Variants in KIF13A observed in about 807,000 individuals in gnomAD.
KIF13A encodes the protein kinesin family member 13A.
KIF13A carries 79 observed loss-of-function variants against 212.2 expected under a neutral mutation model. The ratio of observed to expected loss-of-function variants is 0.37; its 90% confidence interval spans 0.31 to 0.45. KIF13A has a LOEUF of 0.45. Among genes scored for constraint, KIF13A ranks in the 20% least tolerant of loss-of-function variants. KIF13A has a pLI of 1.00. For missense variants in KIF13A, 1,901 were observed against 2,209.0 expected (o/e 0.86, Z 2.79); for synonymous variants, 789 against 808.6 (o/e 0.98, Z 0.41).
At chr6:17,821,860 C>G in intron 16 of KIF13A, 1 of 1,535,198 alleles carries the variant, frequency 6.5e-7, no homozygotes, top group Non-Finnish European at 8.7e-7. Context: ...ATAAGACCAC[C>G]AAGGGGATGA....
chr6:17,854,546 A>ATTTTTTTT (rs36073765), intron 6 of KIF13A, among the ~76,000 whole-genome samples: 2 of 77,118 alleles, frequency 2.6e-5, no homozygotes, highest in African/African-American at 5.6e-5. Flanking sequence ...AATCAGTATA[A>ATTTTTTTT]TTTTTTTTTT....
intron 2 of KIF13A, among the ~76,000 whole-genome samples, chr6:17,932,302 G>A (rs1031180827): frequency 1.3e-5 from 2 of 152,142 alleles, no homozygotes; most frequent in Non-Finnish European, 2.9e-5. Context: ...TTGTATGCCC[G>A]AATGCCTTGT....
At chr6:17,844,199 A>C (rs1008497792) in intron 9 of KIF13A, among the ~76,000 whole-genome samples, 2 of 152,224 alleles carry the variant, frequency 1.3e-5, no homozygotes, top group South Asian at 2.1e-4. Context: ...ATTATGAGTA[A>C]AGGACAGTAC....
chr6:17,842,239 T>A (rs1170730468), intron 9 of KIF13A, among the ~76,000 whole-genome samples: 1 of 151,776 alleles, frequency 6.6e-6, no homozygotes, highest in East Asian at 1.9e-4. Context: ...TTTGTAGAGA[T>A]GGGGTCTGGC....
At chr6:17,762,276 G>A (rs568515326), downstream of KIF13A, among the ~76,000 whole-genome samples, 1 of 150,430 alleles carries the variant, frequency 6.6e-6, no homozygotes, top group African/African-American at 2.4e-5. Context: ...GCAGTGGTGC[G>A]ATCTTGGCTC....
intron 16 of KIF13A, among the ~76,000 whole-genome samples, chr6:17,821,468 T>C (rs972678832): frequency 5.3e-5 from 8 of 151,958 alleles, no homozygotes; most frequent in African/African-American, 1.9e-4. Context: ...ATACCAATAA[T>C]ACTTTTCAGT....
intron 17 of KIF13A, 27 bp from the exon 18 acceptor site, chr6:17,808,957 G>GA: frequency 6.5e-7 from 1 of 1,542,854 alleles, no homozygotes. Flanking sequence ...AAGGGAACGA[G>GA]AAAATCTAAA....
rs555859263 is a variant in KIF13A at position 17,834,815 on chromosome 6, C to T, written c.1156-744G>A. ...GGACAAGAAGCTGGGATGTGATGAT[C>T]TGGAAGCTAGCTGAGTATGCCTGAG... On this transcript the variant is annotated intron_variant, in intron 11 of 38. Coordinates refer to ENST00000259711, the MANE Select transcript of KIF13A (RefSeq NM_022113.6). The surrounding 1 kb of genome is among the most constrained non-coding windows in gnomAD (Gnocchi z 4.0). Among the ~76,000 whole-genome samples the T allele has an allele frequency of 6.6e-6, 1 of 152,256 alleles. No homozygotes were observed. Among genetic ancestry groups the T allele is most frequent in the South Asian group, 2.1e-4 (1 of 4,826 alleles).
intron 17 of KIF13A, chr6:17,815,551 C>T (rs1301025255): frequency 2.5e-6 from 1 of 395,084 alleles, no homozygotes; most frequent in Admixed American, 2.5e-5. Context: ...TTGGGAGTAA[C>T]AGAGGGCTTA....
At chr6:17,870,938 T>C (rs59181711) in intron 4 of KIF13A, among the ~76,000 whole-genome samples, 5 of 152,348 alleles carry the variant, frequency 3.3e-5, no homozygotes, top group African/African-American at 1.2e-4. Flanking sequence ...AGCATAGGTA[T>C]TGCCATTTTT....
chr6:17,985,632 C>CGGGGGGGGGGGGG (rs1554128614), intron 2 of KIF13A, among the ~76,000 whole-genome samples: 1 of 38,194 alleles, frequency 2.6e-5, no homozygotes, highest in Non-Finnish European at 5.2e-5. Context: ...ATGCAGTTTG[C>CGGGGGGGGGGGGG]GGGGGGGTGG....
At chr6:17,986,288 A>C (rs927362237) in intron 2 of KIF13A, among the ~76,000 whole-genome samples, 1 of 152,248 alleles carries the variant, frequency 6.6e-6, no homozygotes, top group African/African-American at 2.4e-5. Context: ...TACTAGAAAA[A>C]TGCCAAATAT....
At chr6:17,779,968 G>A (rs910748158) in intron 31 of KIF13A, among the ~76,000 whole-genome samples, 4 of 150,742 alleles carry the variant, frequency 2.7e-5, no homozygotes, top group African/African-American at 9.7e-5. Context: ...GGATGGTCTC[G>A]ATCTCCTGAC....
At chr6:17,854,857 AT>A (rs1768003843) in intron 6 of KIF13A, among the ~76,000 whole-genome samples, 5 of 151,948 alleles carry the variant, frequency 3.3e-5, no homozygotes, top group Admixed American at 2.6e-4. Context: ...CCGGCCCCAA[AT>A]TTTTTAATTG....
At chr6:17,964,067 A>G (rs1779088116) in intron 2 of KIF13A, among the ~76,000 whole-genome samples, 1 of 152,158 alleles carries the variant, frequency 6.6e-6, no homozygotes, top group Non-Finnish European at 1.5e-5. Context: ...ACAGTGAGCT[A>G]TGATGATGCC....
At chr6:17,873,126 T>C (rs970048401) in intron 4 of KIF13A, 15 of 393,298 alleles carry the variant, frequency 3.8e-5, no homozygotes, top group Non-Finnish European at 6.8e-5. Context: ...GGAATGAGGA[T>C]AAAATACCAC....
rs551876956 is a variant in KIF13A at position 17,783,668 on chromosome 6, T to G, written c.3522A>C (p.Pro1174=). Residue 1174 remains proline, a synonymous_variant, in exon 29 of 39, where the codon CCA becomes CCC. Transcript: ENST00000259711. This position sits in a 1 kb window ranked among gnomAD's most constrained non-coding sequence, Gnocchi z 4.3. ...IPPPGMETHI[P]VLFLDLNADD... The stretch of plus-strand genomic sequence containing the variant: ...TACCATTCAAATCGAGGAAGAGAAC[T>G]GGTATGTGGGTTTCCATTCCAGGAG... The G allele has an allele frequency of 8.2e-6, 13 of 1,582,422 alleles. No individual in the cohort carries two copies. The South Asian group carries it at 1.4e-4, about 17-fold the overall frequency.
At position 17,772,474 on chromosome 6, in the gene KIF13A, C is replaced by T. The variant is rs1234933780; in HGVS notation, c.4325-415G>A. ...AACAAACAAAAAAACCCCCAAAAAA[C>T]CATGGAACAGATGTAGGCAAGAATA... On this transcript the variant is annotated intron_variant, in intron 36 of 38. Coordinates refer to ENST00000259711, the MANE Select transcript of KIF13A (RefSeq NM_022113.6). This position sits in a 1 kb window ranked among gnomAD's most constrained non-coding sequence, Gnocchi z 4.8. Among the ~76,000 whole-genome samples, 1 of 152,074 alleles carries T rather than the reference C, an allele frequency of 6.6e-6. No homozygotes were observed. The highest frequency in any genetic ancestry group is 2.4e-5 in the African/African-American group (1 of 41,432).
At chr6:17,945,970 G>A (rs1443254843) in intron 2 of KIF13A, among the ~76,000 whole-genome samples, 1 of 152,120 alleles carries the variant, frequency 6.6e-6, no homozygotes, top group Non-Finnish European at 1.5e-5. Context: ...TTATCTTGAT[G>A]GGGCGAAATT....
Sources: allele counts gnomAD v4.1 joint callset (sites outside exome capture counted in the v4.1 genomes callset), GRCh38; gene constraint gnomAD v4.1.1; non-coding constraint Gnocchi (gnomAD v3.1); transcripts MANE v1.5; gene names NCBI Gene and HGNC (gene_info 2026-07-23, HGNC 2026-07-21).